Variants in SND1 observed in about 807,000 individuals in gnomAD.
SND1 encodes staphylococcal nuclease and tudor domain containing 1, also known as staphylococcal nuclease domain-containing protein 1.
Under a neutral mutation model 121.7 loss-of-function variants are expected in SND1, and 38 were observed. The observed-to-expected ratio is 0.31, with a 90% CI of 0.24 to 0.41. The LOEUF (loss-of-function observed/expected upper bound fraction) is 0.41. Among genes scored for constraint, SND1 ranks in the 10% least tolerant of loss-of-function variants. The probability of loss-of-function intolerance (pLI) is 1.00; values close to 1 mark genes in which losing one functional copy is unlikely to be tolerated. For synonymous variants in SND1, 401 were observed against 447.4 expected (o/e 0.90, Z 1.31); for missense variants, 868 against 1,184.6 (o/e 0.73, Z 3.92).
At chr7:127,710,546 A>T (rs1796280404) in intron 9 of SND1, among the ~76,000 whole-genome samples, 1 of 151,780 alleles carries the variant, frequency 6.6e-6, no homozygotes, top group African/African-American at 2.4e-5. Flanking sequence ...GCCACTTTGA[A>T]TAGCACTGAT....
At chr7:128,044,885 C>T (rs1389036753) in intron 16 of SND1, among the ~76,000 whole-genome samples, 1 of 152,016 alleles carries the variant, frequency 6.6e-6, no homozygotes, top group East Asian at 1.9e-4. Context: ...ATCTCTGAGG[C>T]CTGCTAATGC....
intron 12 of SND1, among the ~76,000 whole-genome samples, chr7:127,858,739 C>T (rs932985726): frequency 7.2e-5 from 11 of 152,146 alleles, no homozygotes; most frequent in African/African-American, 2.7e-4. Flanking sequence ...TGAAATAAAA[C>T]TTATTTTGAC....
chr7:127,815,212 A>T (rs918885691), intron 11 of SND1, among the ~76,000 whole-genome samples: 3 of 152,162 alleles, frequency 2.0e-5, no homozygotes, highest in African/African-American at 7.2e-5. Flanking sequence ...ATCCATCTCG[A>T]ACCTTAGAGT....
In SND1 at chr7:127,860,200, G is replaced by C. The variant is rs1025917463; in HGVS notation, c.1343+15776G>C. Among the ~76,000 whole-genome samples the C allele has an allele frequency of 1.3e-5, 2 of 152,288 alleles. 1 individual carries two copies. The highest frequency in any genetic ancestry group is 4.1e-4 in the South Asian group (2 of 4,820). On this transcript the variant is annotated intron_variant, in intron 12 of 23. Coordinates refer to ENST00000354725, the MANE Select transcript of SND1 (RefSeq NM_014390.4). ...ATGCTTCCTTAATGTGTGTCTTCTT[G>C]GTAATGTAAAATTCCTTCAAACCCC...
At chr7:127,929,964 G>A (rs987962390) in intron 15 of SND1, among the ~76,000 whole-genome samples, 4 of 152,216 alleles carry the variant, frequency 2.6e-5, no homozygotes, top group African/African-American at 7.2e-5. Context: ...TCACAAGCCA[G>A]AAGGCTATGT....
chr7:127,739,729 C>T (rs572768730), intron 10 of SND1, among the ~76,000 whole-genome samples: 1 of 152,338 alleles, frequency 6.6e-6, no homozygotes, highest in African/African-American at 2.4e-5. Context: ...CCAAGTTGGA[C>T]TTGGTCCTCT....
intron 15 of SND1, among the ~76,000 whole-genome samples, chr7:127,937,920 T>C (rs933636528): frequency 3.9e-5 from 6 of 152,364 alleles, no homozygotes; most frequent in South Asian, 2.1e-4. Context: ...CAGGCTGTTA[T>C]TGTGGTTGTG....
chr7:127,841,527 G>T (rs1798964884), intron 11 of SND1, among the ~76,000 whole-genome samples: 1 of 152,038 alleles, frequency 6.6e-6, no homozygotes, highest in African/African-American at 2.4e-5. Flanking sequence ...TTTTTGCCAT[G>T]ACTCCAGCTA....
chr7:128,035,914 C>A (rs1289804998), intron 16 of SND1, among the ~76,000 whole-genome samples: 1 of 152,162 alleles, frequency 6.6e-6, no homozygotes, highest in Non-Finnish European at 1.5e-5. Context: ...TCCTGAGCAG[C>A]CACTAGATGT....
chr7:127,908,470 G>GT lies in SND1; in HGVS notation c.1527+3657dup, dbSNP rs541973881. Among the ~76,000 whole-genome samples the GT allele has an allele frequency of 5.9e-5, 9 of 151,940 alleles. No individual in the cohort carries two copies. In the East Asian group the frequency reaches 1.4e-3, roughly 23 times the overall value. Reference sequence around the variant, plus strand: ...ACCTTAGATCCTGAAGAAGTTACTGGTTTTTTGTTATTTCCAATTTTTCAC... The same window carrying GT: ...ACCTTAGATCCTGAAGAAGTTACTGGTTTTTTTGTTATTTCCAATTTTTCAC... On this transcript the variant is annotated intron_variant, in intron 14 of 23. Coordinates refer to ENST00000354725, the MANE Select transcript of SND1 (RefSeq NM_014390.4).
intron 16 of SND1, among the ~76,000 whole-genome samples, chr7:128,048,621 C>A (rs1792993747): frequency 6.6e-6 from 1 of 152,032 alleles, no homozygotes; most frequent in Non-Finnish European, 1.5e-5. Flanking sequence ...GAAGGTGTTA[C>A]CCCTGAAAAC....
At chr7:127,996,140 TAA>T (rs34060223) in intron 16 of SND1, among the ~76,000 whole-genome samples, 21 of 142,622 alleles carry the variant, frequency 1.5e-4, no homozygotes, top group Admixed American at 2.8e-4. Context: ...CTCCCTGCTT[TAA>T]AAAAAAAAAA....
intron 16 of SND1, among the ~76,000 whole-genome samples, chr7:128,019,398 G>A (rs1485875987): frequency 6.6e-6 from 1 of 152,204 alleles, no homozygotes; most frequent in African/African-American, 2.4e-5. Flanking sequence ...CTCTGGCACA[G>A]TTCGTCTCAA....
In SND1 at chr7:127,876,264, A is replaced by G. The variant is rs549729330; in HGVS notation, c.1344-11638A>G. The stretch of plus-strand genomic sequence containing the variant: ...GTTTAAGAATGAGGATTACTTGCCA[A>G]CCTAATCCTTTAAGAAGATTCAGCT... On this transcript the variant is annotated intron_variant, in intron 12 of 23. Transcript: ENST00000354725. Among the ~76,000 whole-genome samples the G allele has an allele frequency of 2.6e-5, 4 of 152,254 alleles. No individual in the cohort carries two copies. The South Asian group carries it at 6.2e-4, about 24-fold the overall frequency.
At chr7:127,851,088 T>G (rs1799157724) in intron 12 of SND1, among the ~76,000 whole-genome samples, 1 of 152,262 alleles carries the variant, frequency 6.6e-6, no homozygotes, top group South Asian at 2.1e-4. Flanking sequence ...GGTTTCAGAT[T>G]ACTTTATTAC....
At chr7:127,824,650 A>G (rs1023544666) in intron 11 of SND1, among the ~76,000 whole-genome samples, 2 of 152,246 alleles carry the variant, frequency 1.3e-5, no homozygotes, top group African/African-American at 4.8e-5. Flanking sequence ...TGCTAAAAAA[A>G]AGATGGAGTA....
intron 12 of SND1, among the ~76,000 whole-genome samples, chr7:127,868,542 G>T (rs111239412): frequency 1.2e-3 from 178 of 152,218 alleles, no homozygotes; most frequent in African/African-American, 3.8e-3. Context: ...TTATTTCTAG[G>T]CTTGGCTAAG....
chr7:127,904,350 A>C (rs2116764785), intron 13 of SND1: 1 of 155,546 alleles, frequency 6.4e-6, no homozygotes, highest in South Asian at 2.0e-4. Flanking sequence ...CTAGCCACAT[A>C]TTTTGCATTT....
chr7:128,075,277 C>T (rs907120472), intron 17 of SND1, among the ~76,000 whole-genome samples: 4 of 152,212 alleles, frequency 2.6e-5, no homozygotes, highest in African/African-American at 7.2e-5. Flanking sequence ...GAGCCGGGCT[C>T]ACCCAGCCTG....
Sources: gnomAD v4.1 joint callset for allele counts (sites outside exome capture counted in the v4.1 genomes callset) on GRCh38, gnomAD v4.1.1 for gene constraint, MANE v1.5 for transcripts, NCBI Gene and HGNC (gene_info 2026-07-23, HGNC 2026-07-21) for gene names.